The following TLE3 variants were observed in gnomAD, a reference collection of about 807,000 sequenced individuals.
The protein encoded by TLE3 is transducin-like enhancer protein 3.
In TLE3, 14 loss-of-function variants were observed where a neutral mutation model predicts 93.0. The ratio of observed to expected loss-of-function variants is 0.15; its 90% confidence interval spans 0.10 to 0.24. The LOEUF is 0.24. Among genes scored for constraint, TLE3 ranks in the 10% least tolerant of loss-of-function variants. The pLI is 1.00. For missense variants in TLE3, 693 were observed against 1,046.6 expected, an observed-to-expected ratio of 0.66 and a Z score of 4.66; for synonymous variants, 451 against 425.0, an observed-to-expected ratio of 1.06 and a Z score of -0.75.
chr15:70,096,551 G>A (rs1198117303), intron 1 of TLE3: 2 of 1,419,028 alleles, frequency 1.4e-6, no homozygotes, highest in East Asian at 2.5e-5. Context: ...CGGGGACCGC[G>A]TGAACAGCTC....
chr15:70,058,641 C>A lies in TLE3; in HGVS notation c.918+22G>T. 1 of 1,567,150 alleles carries A rather than the reference C, an allele frequency of 6.4e-7. No individual in the cohort carries two copies. Among genetic ancestry groups the A allele is most frequent in the East Asian group, 2.3e-5 (1 of 42,624 alleles). ...GTCCCTGCCGCTCCCTTCCCACTCC[C>A]TTCCACCCAGACCCCACATACATGA... is the stretch of plus-strand genomic sequence containing the variant. On this transcript the variant is annotated intron_variant, in intron 11 of 19. Transcript: ENST00000451782. This position sits in a 1 kb window ranked among gnomAD's most constrained non-coding sequence, Gnocchi z 4.1.
At position 70,049,606 on chromosome 15, in the gene TLE3, T is replaced by A. The variant is rs1047293607; in HGVS notation, c.*491A>T. 4 of 149,878 alleles carry A rather than the reference T, an allele frequency of 2.7e-5. No individual in the cohort carries two copies. Among genetic ancestry groups the A allele is most frequent in the African/African-American group, 9.9e-5 (4 of 40,468 alleles). 9.3% of individuals were successfully genotyped at this position (149,878 alleles called of 1,614,324 possible). ...TCAGAGTTTCCGGTGGGAAGGGGCC[T>A]CCTCTCCCACTGATCAGTCCGCAAT... is the stretch of plus-strand genomic sequence containing the variant. On this transcript the variant is annotated 3_prime_UTR_variant, in exon 20 of 20. Coordinates refer to ENST00000451782, the MANE Select transcript of TLE3 (RefSeq NM_001105192.3).
Position 70,077,404 on chromosome 15 carries a change from C to A in TLE3, c.235-1246G>T, listed in dbSNP as rs146775032. Among the ~76,000 whole-genome samples the A allele has an allele frequency of 2.1e-3, 317 of 152,302 alleles. 3 individuals are homozygous for A. Among genetic ancestry groups the A allele is most frequent in the African/African-American group, 7.4e-3 (307 of 41,564 alleles). ...CAATCTTTCAGAGACAAAACCATGA[C>A]AACAGCCTTTAAAAATCTGTGATCA... On this transcript the variant is annotated intron_variant, in intron 4 of 19. Coordinates refer to ENST00000451782, the MANE Select transcript of TLE3 (RefSeq NM_001105192.3).
chr15:70,052,702 G>C, intron 17 of TLE3, 178 bp from the exon 18 acceptor site: 1 of 530,714 alleles, frequency 1.9e-6, no homozygotes, highest in Non-Finnish European at 3.1e-6. Flanking sequence ...AGAAAGCACA[G>C]ACATTTTGCA....
chr15:70,084,398 T>A (rs1452691700), intron 4 of TLE3, among the ~76,000 whole-genome samples: 1 of 152,218 alleles, frequency 6.6e-6, no homozygotes, highest in Non-Finnish European at 1.5e-5. Flanking sequence ...CAAAAAATTA[T>A]CCAGTCCCAA....
chr15:70,082,750 G>T (rs2057845086), intron 4 of TLE3, among the ~76,000 whole-genome samples: 1 of 152,218 alleles, frequency 6.6e-6, no homozygotes, highest in African/African-American at 2.4e-5. Context: ...GGCCTGTGAG[G>T]ACACTCTGGG....
chr15:70,060,170 T>C (rs369456941), intron 9 of TLE3, among the ~76,000 whole-genome samples: 1 of 152,182 alleles, frequency 6.6e-6, no homozygotes, highest in Admixed American at 6.5e-5. Flanking sequence ...CTGAGAGGAC[T>C]ATAGGGTCCA....
chr15:70,067,333 C>T (rs1567014502), intron 6 of TLE3, among the ~76,000 whole-genome samples: 1 of 152,214 alleles, frequency 6.6e-6, no homozygotes, highest in African/African-American at 2.4e-5. Flanking sequence ...GAGAAGAAAA[C>T]TAACATTTAC....
At chr15:70,062,142 CAG>C (rs1395912996) in intron 8 of TLE3, among the ~76,000 whole-genome samples, 2 of 152,202 alleles carry the variant, frequency 1.3e-5, no homozygotes, top group African/African-American at 4.8e-5. Flanking sequence ...ATTAAAATGG[CAG>C]AGTTATCAAG....
rs1341921678 is a variant in TLE3 at position 70,056,430 on chromosome 15, C to A, written c.1252-56G>T. 3.9e-6 allele frequency: 6 copies of A among 1,529,234 alleles called. No homozygotes were observed. The African/African-American group carries it at 8.2e-5, about 21-fold the overall frequency. The allele number at this position is 1,529,234 out of a possible 1,614,324, so 94.7% of individuals were successfully genotyped here. A position where few individuals can be genotyped will look rare whatever the true frequency, so the allele number is the denominator to read the frequency against. On this transcript the variant is annotated intron_variant, in intron 13 of 19. Coordinates refer to ENST00000451782, the MANE Select transcript of TLE3 (RefSeq NM_001105192.3). The stretch of plus-strand genomic sequence containing the variant: ...AGCCGTGCTGCCACACACCCCCACC[C>A]CTGCCTCCTCCACCACCCACCCGGG...
chr15:70,096,736 A>G (rs1379080313), intron 1 of TLE3, 39 bp downstream of exon 1: 3 of 1,611,320 alleles, frequency 1.9e-6, no homozygotes, highest in Non-Finnish European at 2.5e-6. Flanking sequence ...TTACCCTGCC[A>G]TGATAGATGC....
At position 70,094,893 on chromosome 15, in the gene TLE3, A is replaced by AT. The variant is rs1378441938; in HGVS notation, c.190-318_190-317insA. ...AACAGGGAATCGTGTGTACACTGGG[A>AT]CCCTCTTGTCCTCTGAGAGTTATTT... On this transcript the variant is annotated intron_variant, in intron 3 of 19. Transcript: ENST00000451782. The AT allele has an allele frequency of 5.9e-4, 177 of 298,210 alleles. 3 individuals are homozygous for AT. The South Asian group carries it at 0.011, about 18-fold the overall frequency. 18.5% of individuals were successfully genotyped at this position (298,210 alleles called of 1,614,324 possible). A position where few individuals can be genotyped will look rare whatever the true frequency, so the allele number is the denominator to read the frequency against.
At chr15:70,078,721 G>A (rs1403120626) in intron 4 of TLE3, among the ~76,000 whole-genome samples, 4 of 152,316 alleles carry the variant, frequency 2.6e-5, no homozygotes, top group Admixed American at 6.5e-5. Context: ...CAGGCCAATC[G>A]CAAGCCACCT....
intron 6 of TLE3, among the ~76,000 whole-genome samples, chr15:70,069,968 GT>G (rs2057048487): frequency 1.3e-5 from 2 of 152,262 alleles, no homozygotes; most frequent in South Asian, 4.1e-4. Context: ...GGCTGATACT[GT>G]TTTCAACTGG....
chr15:70,049,783 G>A lies in TLE3; in HGVS notation c.*314C>T, dbSNP rs531918642. ...GCAAAAGAAAAGGGAAGAACAAACA[G>A]AGACTCATGAGCGGGTCTGTGGGGG... On this transcript the variant is annotated 3_prime_UTR_variant, in exon 20 of 20. Coordinates refer to ENST00000451782, the MANE Select transcript of TLE3 (RefSeq NM_001105192.3). The A allele has an allele frequency of 3.6e-4, 94 of 262,732 alleles. No homozygotes were observed. Among genetic ancestry groups the A allele is most frequent in the Middle Eastern group, 1.3e-3 (1 of 770 alleles). 16.3% of individuals were successfully genotyped at this position (262,732 alleles called of 1,614,324 possible). A position where few individuals can be genotyped will look rare whatever the true frequency, so the allele number is the denominator to read the frequency against.
At chr15:70,062,898 C>T (rs888834459) in intron 8 of TLE3, among the ~76,000 whole-genome samples, 4 of 152,160 alleles carry the variant, frequency 2.6e-5, no homozygotes, top group Admixed American at 2.0e-4. Context: ...TGGACCTCAG[C>T]GAGCATGGTA....
intron 4 of TLE3, among the ~76,000 whole-genome samples, chr15:70,080,076 A>G (rs867423034): frequency 6.6e-6 from 1 of 152,344 alleles, no homozygotes; most frequent in Middle Eastern, 3.4e-3. Context: ...AAAAAAAAAA[A>G]AAAATCAAGT....
chr15:70,064,777 TCTCC>T (rs2056709410), intron 7 of TLE3, among the ~76,000 whole-genome samples: 3 of 151,948 alleles, frequency 2.0e-5, no homozygotes, highest in Admixed American at 1.3e-4. Flanking sequence ...TTGACCCAGT[TCTCC>T]CTGTCATGCC....
At chr15:70,076,188 C>T in intron 4 of TLE3, 30 bp from the exon 5 acceptor site, 2 of 1,610,260 alleles carry the variant, frequency 1.2e-6, no homozygotes, top group Non-Finnish European at 1.7e-6. Flanking sequence ...ACATGAAGCT[C>T]AGGCAAATAA....
Sources: allele counts gnomAD v4.1 joint callset (sites outside exome capture counted in the v4.1 genomes callset), GRCh38; gene constraint gnomAD v4.1.1; non-coding constraint Gnocchi (gnomAD v3.1); transcripts MANE v1.5; gene names NCBI Gene and HGNC (gene_info 2026-07-23, HGNC 2026-07-21).